IL22RA2: variants seen among roughly 807,000 people sequenced by gnomAD.
IL22RA2 encodes interleukin-22 receptor subunit alpha-2.
Under a neutral mutation model 30.7 loss-of-function variants are expected in IL22RA2, and 39 were observed. The observed-to-expected ratio is 1.27, with a 90% CI of 0.98 to 1.66. The LOEUF (loss-of-function observed/expected upper bound fraction) is 1.66, where lower values mean the gene tolerates loss of function less well. IL22RA2 is among the 40% of genes most tolerant of loss of function. The pLI, the probability that IL22RA2 is intolerant of heterozygous loss-of-function variation, is 0.00. For missense variants in IL22RA2, 315 were observed against 312.7 expected (o/e 1.01, Z -0.05); for synonymous variants, 103 against 105.0 (o/e 0.98, Z 0.11).
rs138526024 is a variant in IL22RA2 at position 137,149,708 on chromosome 6, A to C, written c.473-1817T>G. Among the ~76,000 whole-genome samples, 151 of 152,342 alleles carry C rather than the reference A, an allele frequency of 9.9e-4. 1 individual carries two copies. The East Asian group carries it at 0.026, about 26-fold the overall frequency. On this transcript the variant is annotated intron_variant, in intron 5 of 6. Coordinates refer to ENST00000296980, the MANE Select transcript of IL22RA2 (RefSeq NM_052962.3). ...CACAAGTCTGATCATATGGCTCCTA[A>C]ATAAAATTATGTTTTTCTGGAGGAA...
chr6:137,152,634 G>A (rs1158369060), intron 5 of IL22RA2, among the ~76,000 whole-genome samples: 8 of 152,296 alleles, frequency 5.3e-5, no homozygotes, highest in Admixed American at 1.3e-4. Flanking sequence ...TTGACTGTGA[G>A]TGATGGTTGT....
In IL22RA2 at chr6:137,145,652, C is replaced by T. The variant is rs1032484121; in HGVS notation, c.764G>A (p.Ser255Asn). The T allele has an allele frequency of 6.2e-7, 1 of 1,610,948 alleles. No individual in the cohort carries two copies. The highest frequency in any genetic ancestry group is 8.5e-7 in the Non-Finnish European group (1 of 1,178,670). Residue 255 changes from serine (S) to asparagine (N), a missense_variant, in exon 7 of 7, where the codon AGT (serine) becomes AAT (asparagine). Transcript: ENST00000296980. ...TGGAATTTCCACACATCTCTCTTCA[C>T]TTCTCTGACTTCTTCTGTCTAACAT... ...QPMLDRRSQR[S>N]EERCVEIP
chr6:137,147,854 G>T lies in IL22RA2; in HGVS notation c.510C>A (p.Val170=). 6 of 1,612,252 alleles carry T rather than the reference G, an allele frequency of 3.7e-6. No homozygotes were observed. Among genetic ancestry groups the T allele is most frequent in the South Asian group, 1.1e-5 (1 of 90,642 alleles). The change falls in exon 6 of 7, where the codon GTC becomes GTA. Residue 170 remains valine, a synonymous_variant. Coordinates refer to ENST00000296980, the MANE Select transcript of IL22RA2 (RefSeq NM_052962.3). ...IDPPVMNITQ[V]NGSLLVILHA... ...GGAGAATTACCAACAAAGAGCCATT[G>T]ACTTGGGTTATATTCATGACTGGAG...
chr6:137,172,267 CTT>C (rs1202103000), intron 1 of IL22RA2, among the ~76,000 whole-genome samples: 3 of 152,190 alleles, frequency 2.0e-5, no homozygotes, highest in Non-Finnish European at 4.4e-5. Flanking sequence ...GGGTTGCTGA[CTT>C]TGTCAAACAA....
intron 2 of IL22RA2, among the ~76,000 whole-genome samples, chr6:137,159,923 C>T (rs969636881): frequency 1.3e-5 from 2 of 152,238 alleles, no homozygotes; most frequent in Non-Finnish European, 2.9e-5. Context: ...ATGAACAAGA[C>T]TGTTTCCTCA....
At chr6:137,157,857 A>G (rs1054145100) in intron 3 of IL22RA2, among the ~76,000 whole-genome samples, 1 of 152,204 alleles carries the variant, frequency 6.6e-6, no homozygotes, top group Non-Finnish European at 1.5e-5. Context: ...GTTTGTGTTC[A>G]TGCTTACGAG....
At chr6:137,168,318 A>G (rs1221971022) in intron 1 of IL22RA2, among the ~76,000 whole-genome samples, 1 of 152,190 alleles carries the variant, frequency 6.6e-6, no homozygotes, top group African/African-American at 2.4e-5. Flanking sequence ...TTCTTGCCCT[A>G]TGACTTCTTA....
chr6:137,158,543 G>T, intron 2 of IL22RA2, 61 bp from the exon 3 acceptor site: 2 of 1,553,840 alleles, frequency 1.3e-6, no homozygotes, highest in Non-Finnish European at 1.8e-6. Flanking sequence ...GTTCCCAGCA[G>T]TAGTTTTCAG....
chr6:137,166,876 C>A (rs974488073), intron 1 of IL22RA2, among the ~76,000 whole-genome samples: 1 of 152,224 alleles, frequency 6.6e-6, no homozygotes, highest in African/African-American at 2.4e-5. Context: ...GTGCCCCAAA[C>A]AATCCACAGC....
intron 5 of IL22RA2, among the ~76,000 whole-genome samples, chr6:137,151,474 T>C (rs1778289662): frequency 6.6e-6 from 1 of 152,212 alleles, no homozygotes; most frequent in African/African-American, 2.4e-5. Flanking sequence ...AAACATAGGG[T>C]AAATCTTCAT....
intron 1 of IL22RA2, among the ~76,000 whole-genome samples, chr6:137,168,431 G>C (rs113919913): frequency 6.6e-6 from 1 of 152,100 alleles, no homozygotes; most frequent in Non-Finnish European, 1.5e-5. Flanking sequence ...TCACTTACGC[G>C]CATAAAGGGC....
Position 137,147,618 on chromosome 6 carries a change from T to C in IL22RA2, c.642+104A>G, listed in dbSNP as rs187352720. 2.2e-5 allele frequency: 21 copies of C among 937,500 alleles called. No homozygotes were observed. The East Asian group carries it at 5.0e-4, about 22-fold the overall frequency. 58.1% of individuals were successfully genotyped at this position (937,500 alleles called of 1,614,324 possible). On this transcript the variant is annotated intron_variant, in intron 6 of 6. Transcript: ENST00000296980. ...AGAAGAAATTAAAGATAAGGAAAAG[T>C]AAGAGGAGGCAGAGTAGCAGAAGAG...
chr6:137,163,240 T>C (rs1186777733), intron 1 of IL22RA2, among the ~76,000 whole-genome samples: 1 of 152,224 alleles, frequency 6.6e-6, no homozygotes, highest in African/African-American at 2.4e-5. Flanking sequence ...CCTTAAGATG[T>C]TTAAACGTAG....
At chr6:137,159,578 C>T (rs1778479483) in intron 2 of IL22RA2, among the ~76,000 whole-genome samples, 1 of 152,180 alleles carries the variant, frequency 6.6e-6, no homozygotes, top group Admixed American at 6.5e-5. Flanking sequence ...CCACCTCGGC[C>T]TCCCAAAGTG....
At chr6:137,156,550 G>A (rs1308010501) in intron 4 of IL22RA2, among the ~76,000 whole-genome samples, 2 of 152,116 alleles carry the variant, frequency 1.3e-5, no homozygotes. Context: ...CTAAACGCAA[G>A]GGATATAACA....
chr6:137,170,494 T>C (rs941209510), intron 1 of IL22RA2, among the ~76,000 whole-genome samples: 1 of 152,194 alleles, frequency 6.6e-6, no homozygotes, highest in African/African-American at 2.4e-5. Flanking sequence ...ACAAGACTGA[T>C]AAGTTTAGGC....
intron 1 of IL22RA2, among the ~76,000 whole-genome samples, chr6:137,169,891 A>T (rs2114400294): frequency 6.6e-6 from 1 of 152,378 alleles, no homozygotes; most frequent in South Asian, 2.1e-4. Context: ...AAAAGCTGTC[A>T]TGGAAATCAC....
chr6:137,144,631 G>T lies in IL22RA2; in HGVS notation c.*993C>A, dbSNP rs1778136534. On this transcript the variant is annotated 3_prime_UTR_variant, in exon 7 of 7. Transcript: ENST00000296980. ...TCTCTGTAGGCACCTACCAACACCG[G>T]TCCTTCTCCTGCTACCCACTGTGTG... is the stretch of plus-strand genomic sequence containing the variant. 1 of 152,246 alleles carries T rather than the reference G, an allele frequency of 6.6e-6. No homozygotes were observed. The highest frequency in any genetic ancestry group is 6.5e-5 in the Admixed American group (1 of 15,276). The allele number at this position is 152,246 out of a possible 1,614,324, so 9.4% of individuals were successfully genotyped here.
At position 137,147,818 on chromosome 6, in the gene IL22RA2, A is replaced by G; in HGVS notation, c.546T>C (p.Asn182=). The G allele has an allele frequency of 6.2e-7, 1 of 1,613,558 alleles. No individual in the cohort carries two copies. ...TTTCCTTTTGGTATCTATATGGTAAATTTGGAGCATGGAGAATTACCAACA... is the reference window on the plus strand; with the variant it reads ...TTTCCTTTTGGTATCTATATGGTAAGTTTGGAGCATGGAGAATTACCAACA... ...GSLLVILHAP[N]LPYRYQKEKN... is the part of the protein sequence containing the mutation. The change falls in exon 6 of 7, where the codon AAT becomes AAC. Residue 182 remains asparagine (N), a synonymous_variant. Coordinates refer to ENST00000296980, the MANE Select transcript of IL22RA2 (RefSeq NM_052962.3).
Sources: gnomAD v4.1 joint callset for allele counts (sites outside exome capture counted in the v4.1 genomes callset) on GRCh38, gnomAD v4.1.1 for gene constraint, MANE v1.5 for transcripts, NCBI Gene and HGNC (gene_info 2026-07-23, HGNC 2026-07-21) for gene names.